Variants in STX8 observed in about 807,000 individuals in gnomAD.
STX8 encodes syntaxin-8.
In STX8, 23 loss-of-function variants were observed where a neutral mutation model predicts 37.5. The observed-to-expected ratio is 0.61, with a 90% CI of 0.44 to 0.87. The LOEUF (loss-of-function observed/expected upper bound fraction) is 0.87, where lower values mean the gene tolerates loss of function less well. Ranked by LOEUF, STX8 falls within the 40% of genes least tolerant of loss-of-function variation. The pLI is 0.00. For missense variants in STX8, 313 were observed against 284.7 expected, an observed-to-expected ratio of 1.10 and a Z score of -0.71; for synonymous variants, 115 against 99.1, an observed-to-expected ratio of 1.16 and a Z score of -0.95.
At chr17:9,341,491 C>T (rs1910355879) in intron 7 of STX8, among the ~76,000 whole-genome samples, 1 of 152,142 alleles carries the variant, frequency 6.6e-6, no homozygotes, top group African/African-American at 2.4e-5. Flanking sequence ...GGCTAGAGTG[C>T]AATGGCGTGA....
At chr17:9,374,699 A>G (rs904950709) in intron 7 of STX8, among the ~76,000 whole-genome samples, 2 of 152,218 alleles carry the variant, frequency 1.3e-5, no homozygotes, top group African/African-American at 4.8e-5. Flanking sequence ...TACTGATAAA[A>G]TTATTAAGTA....
At chr17:9,547,788 T>C (rs1443559172) in intron 3 of STX8, among the ~76,000 whole-genome samples, 10 of 139,798 alleles carry the variant, frequency 7.2e-5, no homozygotes, top group African/African-American at 2.9e-4. Context: ...TTTTCTTTTT[T>C]TTTTTTTTGT....
At chr17:9,491,956 T>C (rs750344422) in intron 5 of STX8, 35 bp from the exon 6 acceptor site, 2 of 1,508,940 alleles carry the variant, frequency 1.3e-6, no homozygotes, top group Admixed American at 1.8e-5. Context: ...AACTAGAAAC[T>C]AGAAGAAAAC....
chr17:9,413,165 T>C (rs1490256957), intron 6 of STX8, among the ~76,000 whole-genome samples: 2 of 152,168 alleles, frequency 1.3e-5, no homozygotes, highest in African/African-American at 4.8e-5. Flanking sequence ...ACTAGGCCAG[T>C]GGTGGAAGAC....
chr17:9,456,414 T>A (rs771804278), intron 6 of STX8, among the ~76,000 whole-genome samples: 10 of 152,184 alleles, frequency 6.6e-5, no homozygotes, highest in Non-Finnish European at 1.5e-4. Flanking sequence ...GATCTGAAAC[T>A]GGGCTGGGCC....
chr17:9,409,099 A>G (rs6503200), intron 6 of STX8, among the ~76,000 whole-genome samples: 24,661 of 136,864 alleles, frequency 0.18, 3,566 homozygotes, highest in African/African-American at 0.41. Flanking sequence ...CGCCCCCACC[A>G]GAGCTGGTTA....
rs201550065 is a variant in STX8, at chr17:9,274,744, C to CTTTTTTTTTTT, written c.644-24100_644-24099insAAAAAAAAAAA. 3.4e-5 allele frequency among the ~76,000 whole-genome samples: 3 copies of CTTTTTTTTTTT among 88,902 alleles called. 1 individual carries two copies. The highest frequency in any genetic ancestry group is 3.1e-4 in the Admixed American group (2 of 6,380). The allele number at this position is 88,902 out of a possible 152,430, so 58.3% of individuals were successfully genotyped here. Reference sequence around the variant, plus strand: ...AAAGTCTTCAAAAATACAACAATTTCTTTTTTCTTTTTTTTTTTTTTTTTT... The same window carrying CTTTTTTTTTTT: ...AAAGTCTTCAAAAATACAACAATTTCTTTTTTTTTTTTTTTTTCTTTTTTTTTTTTTTTTTT... On this transcript the variant is annotated intron_variant, in intron 7 of 7. Coordinates refer to ENST00000306357, the MANE Select transcript of STX8 (RefSeq NM_004853.3).
chr17:9,340,364 ATT>A (rs1910305338), intron 7 of STX8, among the ~76,000 whole-genome samples: 1 of 152,248 alleles, frequency 6.6e-6, no homozygotes, highest in South Asian at 2.1e-4. Flanking sequence ...CCATTTAAAA[ATT>A]TGTTTCACTG....
chr17:9,376,194 C>T (rs1417990407), intron 7 of STX8, among the ~76,000 whole-genome samples: 1 of 152,176 alleles, frequency 6.6e-6, no homozygotes, highest in African/African-American at 2.4e-5. Context: ...TATAAACACA[C>T]CAATCAGCGC....
At chr17:9,403,697 A>T (rs1478798430) in intron 6 of STX8, among the ~76,000 whole-genome samples, 1 of 151,556 alleles carries the variant, frequency 6.6e-6, no homozygotes, top group African/African-American at 2.4e-5. Flanking sequence ...CCCAGGCTGG[A>T]GTCCAGTGGC....
chr17:9,295,834 C>G (rs1430678074), intron 7 of STX8, among the ~76,000 whole-genome samples: 1 of 121,478 alleles, frequency 8.2e-6, no homozygotes, highest in African/African-American at 2.6e-5. Flanking sequence ...CACCTGAGGT[C>G]AGGAGTTCGA....
intron 6 of STX8, among the ~76,000 whole-genome samples, chr17:9,397,075 C>T (rs1231913827): frequency 6.6e-6 from 1 of 152,234 alleles, no homozygotes; most frequent in Non-Finnish European, 1.5e-5. Context: ...AATTCTGACA[C>T]CGCTATACAT....
chr17:9,389,546 T>C (rs1474111346), intron 6 of STX8, among the ~76,000 whole-genome samples: 3 of 152,214 alleles, frequency 2.0e-5, no homozygotes, highest in Non-Finnish European at 1.5e-5. Context: ...TTAAGAAATA[T>C]TATATGATGT....
At chr17:9,363,893 C>T (rs1165146097) in intron 7 of STX8, among the ~76,000 whole-genome samples, 1 of 152,162 alleles carries the variant, frequency 6.6e-6, no homozygotes, top group African/African-American at 2.4e-5. Context: ...CTATCAACCA[C>T]CTTCTATTAT....
intron 2 of STX8, among the ~76,000 whole-genome samples, chr17:9,564,705 T>C (rs915091187): frequency 1.7e-4 from 26 of 152,100 alleles, no homozygotes; most frequent in Non-Finnish European, 3.7e-4. Context: ...AAATCAGAGA[T>C]GACACAAACA....
At chr17:9,324,765 CAAA>C (rs534392223) in intron 7 of STX8, among the ~76,000 whole-genome samples, 6 of 45,940 alleles carry the variant, frequency 1.3e-4, no homozygotes, top group African/African-American at 3.0e-4. Context: ...AACTCCATCT[CAAA>C]AAAAAAAAAA....
rs546574822 is a variant in STX8, at chr17:9,373,340, A to G, written c.643+5212T>C. On this transcript the variant is annotated intron_variant, in intron 7 of 7. Coordinates refer to ENST00000306357, the MANE Select transcript of STX8 (RefSeq NM_004853.3). ...CAACATTTATGGTGGCATTATTCAC[A>G]ATAGCCAAAAGGTGGAACAACCTGT... Among the ~76,000 whole-genome samples the G allele has an allele frequency of 2.0e-5, 3 of 152,294 alleles. No homozygotes were observed. In the East Asian group the frequency reaches 5.8e-4, roughly 29 times the overall value.
chr17:9,565,186 C>T (rs1283069561), intron 2 of STX8, among the ~76,000 whole-genome samples: 6 of 152,088 alleles, frequency 3.9e-5, no homozygotes, highest in Admixed American at 2.0e-4. Flanking sequence ...CCAGCATGGG[C>T]GACAGAGCAA....
chr17:9,284,621 C>T (rs1908011256), intron 7 of STX8, among the ~76,000 whole-genome samples: 1 of 151,998 alleles, frequency 6.6e-6, no homozygotes, highest in Admixed American at 6.6e-5. Flanking sequence ...GTGTATAAAG[C>T]TACTCTTGTT....
Sources: gnomAD v4.1 joint callset for allele counts (sites outside exome capture counted in the v4.1 genomes callset) on GRCh38, gnomAD v4.1.1 for gene constraint, MANE v1.5 for transcripts, NCBI Gene and HGNC (gene_info 2026-07-23, HGNC 2026-07-21) for gene names.